The following CCDC158 variants were observed in gnomAD, a reference collection of about 807,000 sequenced individuals.
The protein encoded by CCDC158 is coiled-coil domain containing 158.
CCDC158 carries 116 observed loss-of-function variants against 138.6 expected under a neutral mutation model. That is an observed-to-expected ratio of 0.84 (90% CI 0.72 to 0.98). CCDC158 has a LOEUF of 0.98. Among genes scored for constraint, CCDC158 ranks in the 50% least tolerant of loss-of-function variants. CCDC158 has a pLI of 0.00. For synonymous variants in CCDC158, 436 were observed against 442.4 expected (o/e 0.99, Z 0.18); for missense variants, 1,265 against 1,306.1 (o/e 0.97, Z 0.48).
chr4:76,372,283 AT>A, intron 9 of CCDC158, among the ~76,000 whole-genome samples: 1 of 152,228 alleles, frequency 6.6e-6, no homozygotes, highest in East Asian at 1.9e-4. Context: ...TACAAAAAAT[AT>A]TTTTTTAAAG....
intron 8 of CCDC158, 71 bp downstream of exon 8, chr4:76,382,539 T>C (rs773079187): frequency 6.6e-5 from 64 of 962,648 alleles, no homozygotes; most frequent in Non-Finnish European, 9.2e-5. Flanking sequence ...TAAAAGATTA[T>C]AGAACAGAAA....
At chr4:76,330,035 G>A (rs1464958674) in intron 21 of CCDC158, among the ~76,000 whole-genome samples, 3 of 152,152 alleles carry the variant, frequency 2.0e-5, no homozygotes, top group Admixed American at 6.5e-5. Context: ...GAATAAAGAA[G>A]TATTACAGTA....
intron 4 of CCDC158, among the ~76,000 whole-genome samples, chr4:76,385,661 T>G (rs1028295181): frequency 4.6e-5 from 7 of 152,052 alleles, no homozygotes; most frequent in Admixed American, 6.5e-5. Context: ...CAACAGGAAC[T>G]TTGGAAAGAC....
chr4:76,419,951 A>G (rs965216279), intron 1 of CCDC158, among the ~76,000 whole-genome samples: 1 of 147,416 alleles, frequency 6.8e-6, no homozygotes, highest in African/African-American at 2.5e-5. Flanking sequence ...AACATACTAG[A>G]TAAAACTAAG....
chr4:76,409,776 A>T (rs1417613565), intron 2 of CCDC158, among the ~76,000 whole-genome samples: 1 of 152,188 alleles, frequency 6.6e-6, no homozygotes, highest in African/African-American at 2.4e-5. Context: ...GCTTGCAGTG[A>T]GCGGAGATCA....
At chr4:76,372,997 C>T (rs184760964) in intron 9 of CCDC158, among the ~76,000 whole-genome samples, 1,682 of 152,152 alleles carry the variant, frequency 0.011, 32 homozygotes, top group Non-Finnish European at 0.013. Context: ...TATAGGTGCC[C>T]GCCACCATGG....
At chr4:76,408,988 G>A (rs2109895828) in intron 2 of CCDC158, among the ~76,000 whole-genome samples, 1 of 152,272 alleles carries the variant, frequency 6.6e-6, no homozygotes, top group East Asian at 1.9e-4. Context: ...GTCTTCTTTT[G>A]AGAAGTGTCT....
intron 17 of CCDC158, among the ~76,000 whole-genome samples, 164 bp downstream of exon 17, chr4:76,351,556 A>G (rs556887324): frequency 6.6e-6 from 1 of 152,200 alleles, no homozygotes; most frequent in Non-Finnish European, 1.5e-5. Flanking sequence ...TATGAAAAGG[A>G]TAGGTATAGT....
chr4:76,412,545 G>A (rs1446624280), intron 1 of CCDC158, among the ~76,000 whole-genome samples: 1 of 152,180 alleles, frequency 6.6e-6, no homozygotes, highest in Non-Finnish European at 1.5e-5. Context: ...CGCATCACTT[G>A]AGGCCAGGAA....
intron 9 of CCDC158, among the ~76,000 whole-genome samples, chr4:76,373,547 T>C (rs1725441072): frequency 6.6e-6 from 1 of 152,164 alleles, no homozygotes; most frequent in Admixed American, 6.5e-5. Flanking sequence ...CTTTCTAGTT[T>C]TACTATTTAC....
chr4:76,327,358 A>T (rs1720619446), intron 22 of CCDC158, among the ~76,000 whole-genome samples: 2 of 152,162 alleles, frequency 1.3e-5, no homozygotes, highest in Admixed American at 1.3e-4. Context: ...TACAATTAAC[A>T]ATGGGGATAT....
chr4:76,415,086 A>G (rs1038084301), intron 1 of CCDC158, among the ~76,000 whole-genome samples: 1 of 152,186 alleles, frequency 6.6e-6, no homozygotes, highest in Admixed American at 6.5e-5. Flanking sequence ...GTCCAGGCTG[A>G]GGTGGTCAGA....
At chr4:76,317,478 T>C (rs1719514296) in intron 24 of CCDC158, among the ~76,000 whole-genome samples, 1 of 152,128 alleles carries the variant, frequency 6.6e-6, no homozygotes, top group African/African-American at 2.4e-5. Context: ...CCCAAATTTA[T>C]AAAATGATTA....
chr4:76,345,207 A>T (rs946831652), intron 18 of CCDC158: 3 of 949,280 alleles, frequency 3.2e-6, no homozygotes, highest in African/African-American at 3.2e-5. Flanking sequence ...CAAACTTAGG[A>T]AAGTAGAGGG....
intron 24 of CCDC158, among the ~76,000 whole-genome samples, chr4:76,315,777 A>C (rs1256062595): frequency 6.6e-6 from 1 of 152,188 alleles, no homozygotes; most frequent in East Asian, 1.9e-4. Flanking sequence ...AGACGTGAAG[A>C]TGAATCACAT....
At chr4:76,395,047 C>T (rs1266891989) in intron 4 of CCDC158, among the ~76,000 whole-genome samples, 1 of 152,044 alleles carries the variant, frequency 6.6e-6, no homozygotes, top group Non-Finnish European at 1.5e-5. Context: ...AAAACCTACA[C>T]AAGAAGGGAA....
chr4:76,398,484 C>T lies in CCDC158; in HGVS notation c.71-1998G>A, dbSNP rs1283514966. Reference sequence around the variant, plus strand: ...GAGTTCAAGACCAGCCTGGGCAACACGATGAAATCCCATCTCTACTGAAAA... The same window carrying T: ...GAGTTCAAGACCAGCCTGGGCAACATGATGAAATCCCATCTCTACTGAAAA... On this transcript the variant is annotated intron_variant, in intron 3 of 24. Transcript: ENST00000682701. 2.6e-5 allele frequency among the ~76,000 whole-genome samples: 4 copies of T among 151,504 alleles called. No homozygotes were observed. In the East Asian group the frequency reaches 5.8e-4, roughly 22 times the overall value.
chr4:76,418,442 T>C (rs1729862891), intron 1 of CCDC158, among the ~76,000 whole-genome samples: 1 of 152,166 alleles, frequency 6.6e-6, no homozygotes, highest in African/African-American at 2.4e-5. Context: ...TATAAAGCAG[T>C]TTGAAAAGAA....
At chr4:76,337,864 C>T (rs1486737611) in intron 18 of CCDC158, among the ~76,000 whole-genome samples, 1 of 152,186 alleles carries the variant, frequency 6.6e-6, no homozygotes, top group Non-Finnish European at 1.5e-5. Context: ...AAGGATCCTG[C>T]TCTCCCCTAC....
Sources: allele counts gnomAD v4.1 joint callset (sites outside exome capture counted in the v4.1 genomes callset), GRCh38; gene constraint gnomAD v4.1.1; transcripts MANE v1.5; gene names NCBI Gene and HGNC (gene_info 2026-07-23, HGNC 2026-07-21).